Variants in RFTN1 observed in about 807,000 individuals in gnomAD.
RFTN1 encodes raftlin.
Under a neutral mutation model 46.5 loss-of-function variants are expected in RFTN1, and 26 were observed. The observed-to-expected ratio is 0.56, with a 90% confidence interval of 0.41 to 0.78. RFTN1 has a LOEUF of 0.78. Among genes scored for constraint, RFTN1 ranks in the 30% least tolerant of loss-of-function variants. The probability of loss-of-function intolerance (pLI) is 0.00; values close to 1 mark genes in which losing one functional copy is unlikely to be tolerated. For synonymous variants in RFTN1, 261 were observed against 284.2 expected, an observed-to-expected ratio of 0.92 and a Z score of 0.82; for missense variants, 693 against 718.7, an observed-to-expected ratio of 0.96 and a Z score of 0.41.
At chr3:16,417,009 CTTTTTT>C (rs72060599) in intron 3 of RFTN1, among the ~76,000 whole-genome samples, 1 of 121,296 alleles carries the variant, frequency 8.2e-6, no homozygotes, top group Non-Finnish European at 1.7e-5. Flanking sequence ...TTTTCTTTTT[CTTTTTT>C]TTTTTTTTTT....
rs774285764 is a variant in RFTN1, at chr3:16,468,785, G to A, written c.145+24940C>T. Among the ~76,000 whole-genome samples the A allele has an allele frequency of 6.6e-6, 1 of 152,156 alleles. No individual in the cohort carries two copies. The highest frequency in any genetic ancestry group is 1.5e-5 in the Non-Finnish European group (1 of 68,028). On this transcript the variant is annotated intron_variant, in intron 2 of 9. Transcript: ENST00000334133. The surrounding 1 kb of genome is among the most constrained non-coding windows in gnomAD (Gnocchi z 4.4). ...AAAAGATGACTTATAAGAGGCCCTG[G>A]TGCCCCAGTACAATGGAGCAATTAA... is the stretch of plus-strand genomic sequence containing the variant.
Position 16,451,375 on chromosome 3 carries a change from T to C in RFTN1, c.146-17338A>G, listed in dbSNP as rs557246091. On this transcript the variant is annotated intron_variant, in intron 2 of 9. Coordinates refer to ENST00000334133, the MANE Select transcript of RFTN1 (RefSeq NM_015150.2). This position sits in a 1 kb window ranked among gnomAD's most constrained non-coding sequence, Gnocchi z 4.2. ...CCTGCATGCTGGACACGAAGTCTAATAGGGCACTCTCCAGTACACCCATGA... is the reference window on the plus strand; with the variant it reads ...CCTGCATGCTGGACACGAAGTCTAACAGGGCACTCTCCAGTACACCCATGA... 5.3e-5 allele frequency among the ~76,000 whole-genome samples: 8 copies of C among 152,316 alleles called. No individual in the cohort carries two copies. The highest frequency in any genetic ancestry group is 2.1e-4 in the South Asian group (1 of 4,818).
At chr3:16,331,929 T>G (rs2070356384) in intron 7 of RFTN1, among the ~76,000 whole-genome samples, 1 of 152,250 alleles carries the variant, frequency 6.6e-6, no homozygotes, top group Non-Finnish European at 1.5e-5. Flanking sequence ...GTCAAAATTT[T>G]GAAAGTACCT....
intron 6 of RFTN1, 33 bp from the exon 7 acceptor site, chr3:16,358,080 G>C (rs748932532): frequency 3.6e-6 from 4 of 1,111,994 alleles, no homozygotes; most frequent in Non-Finnish European, 5.5e-6. Context: ...GGGTGGGGGG[G>C]GTCTGTAAAC....
intron 7 of RFTN1, among the ~76,000 whole-genome samples, chr3:16,350,771 A>G (rs146035753): frequency 4.1e-4 from 63 of 152,324 alleles, no homozygotes; most frequent in African/African-American, 1.5e-3. Context: ...AATCATCCCT[A>G]TCACAGGAAA....
At position 16,433,422 on chromosome 3, in the gene RFTN1, G is replaced by A. The variant is rs2125494431; in HGVS notation, c.332+429C>T. On this transcript the variant is annotated intron_variant, in intron 3 of 9. Transcript: ENST00000334133. The surrounding 1 kb of genome is among the most constrained non-coding windows in gnomAD (Gnocchi z 4.4). ...ACAGAATTTATGGTAGGCGCAAAAT[G>A]TTAAAGTATTTCTAGACTTTGCGGG... is the stretch of plus-strand genomic sequence containing the variant. 6.6e-6 allele frequency among the ~76,000 whole-genome samples: 1 copy of A among 152,284 alleles called. No homozygotes were observed. The highest frequency in any genetic ancestry group is 1.9e-4 in the East Asian group (1 of 5,188).
chr3:16,326,748 T>C (rs866617003), intron 8 of RFTN1, 25 bp downstream of exon 8: 1 of 1,548,642 alleles, frequency 6.5e-7, no homozygotes, highest in Middle Eastern at 1.7e-4. Context: ...TTCAATAGAA[T>C]CCTAATGATT....
Position 16,317,961 on chromosome 3 carries a change from G to A in RFTN1, c.1333-729C>T, listed in dbSNP as rs943961499. 3.9e-5 allele frequency among the ~76,000 whole-genome samples: 6 copies of A among 152,122 alleles called. No individual in the cohort carries two copies. Among genetic ancestry groups the A allele is most frequent in the South Asian group, 2.1e-4 (1 of 4,820 alleles). The stretch of plus-strand genomic sequence containing the variant: ...CACAGCCCAAATTCTCCCTCTGCCC[G>A]CTACTGTACCGACAAGTGTTCTAAG... On this transcript the variant is annotated intron_variant, in intron 9 of 9. Coordinates refer to ENST00000334133, the MANE Select transcript of RFTN1 (RefSeq NM_015150.2). This position sits in a 1 kb window ranked among gnomAD's most constrained non-coding sequence, Gnocchi z 4.3.
chr3:16,423,397 A>C (rs376027264), intron 3 of RFTN1, among the ~76,000 whole-genome samples: 18 of 152,184 alleles, frequency 1.2e-4, no homozygotes, highest in African/African-American at 4.1e-4. Flanking sequence ...CAAAATGTCA[A>C]TAGTACCAAG....
At position 16,447,603 on chromosome 3, in the gene RFTN1, C is replaced by A. The variant is rs1383540418; in HGVS notation, c.146-13566G>T. On this transcript the variant is annotated intron_variant, in intron 2 of 9. Transcript: ENST00000334133. The surrounding 1 kb of genome is among the most constrained non-coding windows in gnomAD (Gnocchi z 5.9). The stretch of plus-strand genomic sequence containing the variant: ...GGGCACATGCACATGTCCCTCCCAG[C>A]TGCCTTCTCAGGCATTCCAGTGAAA... Among the ~76,000 whole-genome samples, 3 of 152,216 alleles carry A rather than the reference C, an allele frequency of 2.0e-5. No individual in the cohort carries two copies. The highest frequency in any genetic ancestry group is 4.4e-5 in the Non-Finnish European group (3 of 68,040).
intron 6 of RFTN1, among the ~76,000 whole-genome samples, chr3:16,365,684 G>A (rs924706733): frequency 2.0e-5 from 3 of 152,110 alleles, no homozygotes; most frequent in African/African-American, 7.2e-5. Context: ...ATGCAGTGTG[G>A]AGAACACATT....
At position 16,457,532 on chromosome 3, in the gene RFTN1, C is replaced by A. The variant is rs2075931631; in HGVS notation, c.146-23495G>T. 6.6e-6 allele frequency among the ~76,000 whole-genome samples: 1 copy of A among 152,152 alleles called. No individual in the cohort carries two copies. Among genetic ancestry groups the A allele is most frequent in the South Asian group, 2.1e-4 (1 of 4,828 alleles). ...CCAAAAGTCTCAATACAGTTTTATG[C>A]TGAAATTTCAGAAATATAAGCATTA... On this transcript the variant is annotated intron_variant, in intron 2 of 9. Transcript: ENST00000334133. The surrounding 1 kb of genome is among the most constrained non-coding windows in gnomAD (Gnocchi z 4.2).
intron 4 of RFTN1, among the ~76,000 whole-genome samples, chr3:16,406,983 T>A (rs2074872470): frequency 6.6e-6 from 1 of 152,200 alleles, no homozygotes; most frequent in Admixed American, 6.5e-5. Flanking sequence ...CTAATGTCCT[T>A]CAGGGCATAA....
At chr3:16,405,223 C>A (rs2074823559) in intron 4 of RFTN1, among the ~76,000 whole-genome samples, 1 of 152,114 alleles carries the variant, frequency 6.6e-6, no homozygotes, top group Non-Finnish European at 1.5e-5. Context: ...GCTGGTTGAG[C>A]CCTCGTCCCA....
Position 16,351,901 on chromosome 3 carries a change from A to G in RFTN1, c.1146+6031T>C, listed in dbSNP as rs1033023114. On this transcript the variant is annotated intron_variant, in intron 7 of 9. Coordinates refer to ENST00000334133, the MANE Select transcript of RFTN1 (RefSeq NM_015150.2). This position sits in a 1 kb window ranked among gnomAD's most constrained non-coding sequence, Gnocchi z 5.4. ...GACTAGAAAAAAAAATCATGAAAAC[A>G]TGGATTCTGCAGTCAGATTCCATTG... is the stretch of plus-strand genomic sequence containing the variant. 1.3e-4 allele frequency among the ~76,000 whole-genome samples: 20 copies of G among 152,314 alleles called. No homozygotes were observed. The highest frequency in any genetic ancestry group is 1.2e-3 in the Admixed American group (19 of 15,304).
In RFTN1 at chr3:16,452,600, T is replaced by C. The variant is rs2075838827; in HGVS notation, c.146-18563A>G. Among the ~76,000 whole-genome samples, 1 of 152,228 alleles carries C rather than the reference T, an allele frequency of 6.6e-6. No individual in the cohort carries two copies. ...AAGCTAAAATAAAATGTTTACAATA[T>C]ATACCTTTTAAAAAATAATTCCCTG... On this transcript the variant is annotated intron_variant, in intron 2 of 9. Coordinates refer to ENST00000334133, the MANE Select transcript of RFTN1 (RefSeq NM_015150.2). This position sits in a 1 kb window ranked among gnomAD's most constrained non-coding sequence, Gnocchi z 6.3.
intron 4 of RFTN1, among the ~76,000 whole-genome samples, chr3:16,390,463 A>T (rs1327310021): frequency 9.9e-6 from 1 of 101,090 alleles, no homozygotes; most frequent in Non-Finnish European, 2.4e-5. Context: ...TGCTGGAAAA[A>T]GCAGGTAGCC....
At position 16,335,421 on chromosome 3, in the gene RFTN1, G is replaced by A. The variant is rs151184835; in HGVS notation, c.1147-8545C>T. On this transcript the variant is annotated intron_variant, in intron 7 of 9. Transcript: ENST00000334133. The surrounding 1 kb of genome is among the most constrained non-coding windows in gnomAD (Gnocchi z 4.7). ...ACATTTTCTTTATCCAGTCCATAATGCTATGCAGCCTTAAAAAGGAACGAA... is the reference window on the plus strand; with the variant it reads ...ACATTTTCTTTATCCAGTCCATAATACTATGCAGCCTTAAAAAGGAACGAA... 6.6e-5 allele frequency among the ~76,000 whole-genome samples: 10 copies of A among 152,350 alleles called. No individual in the cohort carries two copies. The East Asian group carries it at 1.9e-3, about 29-fold the overall frequency.
rs2076142562 is a variant in RFTN1, at chr3:16,468,628, G to C, written c.145+25097C>G. 7.9e-6 allele frequency among the ~76,000 whole-genome samples: 1 copy of C among 127,084 alleles called. No individual in the cohort carries two copies. The highest frequency in any genetic ancestry group is 1.6e-5 in the Non-Finnish European group (1 of 62,756). 83.4% of individuals were successfully genotyped at this position (127,084 alleles called of 152,430 possible). ...TTTCCTCACGTACAACCCAGCGTTT[G>C]AGTAAAAAAAAAAAAAAAAAAAACT... On this transcript the variant is annotated intron_variant, in intron 2 of 9. Coordinates refer to ENST00000334133, the MANE Select transcript of RFTN1 (RefSeq NM_015150.2). The surrounding 1 kb of genome is among the most constrained non-coding windows in gnomAD (Gnocchi z 4.4).
Sources: gnomAD v4.1 joint callset for allele counts (sites outside exome capture counted in the v4.1 genomes callset) on GRCh38, gnomAD v4.1.1 for gene constraint, Gnocchi (gnomAD v3.1) non-coding constraint, MANE v1.5 for transcripts, NCBI Gene and HGNC (gene_info 2026-07-23, HGNC 2026-07-21) for gene names.